Variants in PAPOLA observed in about 807,000 individuals in gnomAD.
PAPOLA encodes polynucleotide adenylyltransferase alpha.
Under a neutral mutation model 100.6 loss-of-function variants are expected in PAPOLA, and 15 were observed. The ratio of observed to expected loss-of-function variants is 0.15; its 90% CI spans 0.10 to 0.23. PAPOLA has a LOEUF of 0.23. Among genes scored for constraint, PAPOLA ranks in the 10% least tolerant of loss-of-function variants. The pLI is 1.00. For missense variants in PAPOLA, 533 were observed against 884.2 expected (o/e 0.60, Z 5.04); for synonymous variants, 293 against 300.0 (o/e 0.98, Z 0.24).
At chr14:96,534,657 C>T (rs1016856712) in intron 10 of PAPOLA, 94 bp downstream of exon 10, 86 of 1,597,318 alleles carry the variant, frequency 5.4e-5, no homozygotes, top group Non-Finnish European at 6.1e-5. Flanking sequence ...CAGCCTTTTA[C>T]TTATGAATGG....
chr14:96,562,647 T>C (rs766284817), intron 20 of PAPOLA, 172 bp from the exon 21 acceptor site: 2 of 456,720 alleles, frequency 4.4e-6, no homozygotes, highest in Admixed American at 7.4e-5. Context: ...TCTGAAATGG[T>C]GAAATAACCT....
At position 96,555,876 on chromosome 14, in the gene PAPOLA, C is replaced by T; in HGVS notation, c.1694C>T (p.Ala565Val). 2 of 1,606,302 alleles carry T rather than the reference C, an allele frequency of 1.2e-6. No homozygotes were observed. Among genetic ancestry groups the T allele is most frequent in the Non-Finnish European group, 1.7e-6 (2 of 1,174,290 alleles). ...GRNSPAPAVT[A>V]ASVTNIQATE... Reference sequence around the variant, plus strand: ...AACAGTCCTGCTCCAGCTGTAACAGCAGCATCTGTGACCAACATACAGGCT... The same window carrying T: ...AACAGTCCTGCTCCAGCTGTAACAGTAGCATCTGTGACCAACATACAGGCT... The change falls in exon 18 of 22, where the codon GCA becomes GTA. Residue 565 changes from alanine to valine, a missense_variant. By Grantham distance (64) the Ala-to-Val change is moderately conservative (BLOSUM62 0). This residue lies in a region of PAPOLA where 242 missense variants were observed against 281.0 expected (regional missense o/e 0.86). Transcript: ENST00000216277.
rs192977189 is a variant in PAPOLA, at chr14:96,518,648, C to T, written c.9-1407C>T. 1.9e-3 allele frequency among the ~76,000 whole-genome samples: 289 copies of T among 152,094 alleles called. 1 individual carries two copies. The highest frequency in any genetic ancestry group is 4.7e-3 in the African/African-American group (194 of 41,542). On this transcript the variant is annotated intron_variant, in intron 1 of 21. Transcript: ENST00000216277. Reference sequence around the variant, plus strand: ...TCCTGACCTCGTGATCCGCCCACCTCGGCCTCCCAAAGTGCTGGGATTACA... The same window carrying T: ...TCCTGACCTCGTGATCCGCCCACCTTGGCCTCCCAAAGTGCTGGGATTACA...
intron 1 of PAPOLA, among the ~76,000 whole-genome samples, chr14:96,503,586 A>C (rs1440745342): frequency 1.3e-5 from 2 of 151,738 alleles, no homozygotes; most frequent in Non-Finnish European, 2.9e-5. Flanking sequence ...TCCATTTTTG[A>C]ATATTGAAGC....
intron 1 of PAPOLA, among the ~76,000 whole-genome samples, chr14:96,503,690 A>AT (rs2140211226): frequency 6.6e-6 from 1 of 152,222 alleles, no homozygotes; most frequent in South Asian, 2.1e-4. Context: ...TTTTGGTTAA[A>AT]TTCAGGATAA....
At chr14:96,560,749 A>T in intron 20 of PAPOLA, 38 bp downstream of exon 20, 1 of 1,176,700 alleles carries the variant, frequency 8.5e-7, no homozygotes. Context: ...TACACAATTA[A>T]GAGTACAGAA....
chr14:96,518,740 A>G (rs1475373263), intron 1 of PAPOLA, among the ~76,000 whole-genome samples: 4 of 151,576 alleles, frequency 2.6e-5, no homozygotes, highest in Non-Finnish European at 5.9e-5. Context: ...TAAAGTAGAA[A>G]TTGTATTTAG....
intron 15 of PAPOLA, among the ~76,000 whole-genome samples, chr14:96,546,852 G>A (rs1900430422): frequency 6.6e-6 from 1 of 152,016 alleles, no homozygotes; most frequent in African/African-American, 2.4e-5. Flanking sequence ...CATTTTTCTT[G>A]TTTCTCAAAT....
chr14:96,506,020 C>T (rs1896691141), intron 1 of PAPOLA, among the ~76,000 whole-genome samples: 1 of 152,170 alleles, frequency 6.6e-6, no homozygotes, highest in African/African-American at 2.4e-5. Context: ...TCTCCTGCCT[C>T]AGCCTTCCAA....
chr14:96,531,496 T>C lies in PAPOLA; in HGVS notation c.517T>C (p.Leu173=). The C allele has an allele frequency of 6.2e-7, 1 of 1,609,308 alleles. No homozygotes were observed. The change falls in exon 7 of 22, where the codon TTA becomes CTA. Residue 173 remains leucine (L), a synonymous_variant. Transcript: ENST00000216277. The part of the protein sequence containing the change: ...GIEIDILFAR[L]ALQTIPEDLD... ...TCAGATTGATATTTTGTTTGCAAGATTAGCACTGCAGACAATTCCTGAAGA... is the reference window on the plus strand; with the variant it reads ...TCAGATTGATATTTTGTTTGCAAGACTAGCACTGCAGACAATTCCTGAAGA...
chr14:96,540,401 C>T (rs1899882429), intron 12 of PAPOLA, among the ~76,000 whole-genome samples: 1 of 150,602 alleles, frequency 6.6e-6, no homozygotes. Flanking sequence ...GCTCTTTCTG[C>T]ATGTTCTTTA....
At chr14:96,519,317 G>A (rs1334399010) in intron 1 of PAPOLA, among the ~76,000 whole-genome samples, 3 of 152,036 alleles carry the variant, frequency 2.0e-5, no homozygotes, top group East Asian at 1.9e-4. Context: ...GGTTTTGTAT[G>A]TTATTCAACT....
chr14:96,542,180 G>A (rs1900047949), intron 12 of PAPOLA, 63 bp from the exon 13 acceptor site: 1 of 1,007,892 alleles, frequency 9.9e-7, no homozygotes, highest in Non-Finnish European at 1.5e-6. Flanking sequence ...ATTACTTTAT[G>A]GTTTAATATC....
chr14:96,525,252 C>T, intron 3 of PAPOLA, 58 bp from the exon 4 acceptor site: 1 of 788,860 alleles, frequency 1.3e-6, no homozygotes, highest in Non-Finnish European at 2.3e-6. Flanking sequence ...AGTATAGTAT[C>T]ATTTGAATAG....
intron 7 of PAPOLA, chr14:96,531,949 A>G (rs187023588): frequency 7.1e-6 from 9 of 1,268,230 alleles, no homozygotes; most frequent in Middle Eastern, 3.1e-4. Flanking sequence ...CTACTTTGGT[A>G]CAATTTTATA....
rs1595556491 is a variant in PAPOLA at position 96,555,832 on chromosome 14, T to A, written c.1665-15T>A. On this transcript the variant is annotated splice_polypyrimidine_tract_variant and intron_variant, in intron 17 of 21. Coordinates refer to ENST00000216277, the MANE Select transcript of PAPOLA (RefSeq NM_032632.5). ...TTTTAAATTTTGAGACAATTTTTAATTTTTTTTTTTTTAGCAGAAACAGTC... is the reference window on the plus strand; with the variant it reads ...TTTTAAATTTTGAGACAATTTTTAAATTTTTTTTTTTTAGCAGAAACAGTC... The A allele has an allele frequency of 1.4e-5, 6 of 420,798 alleles. No homozygotes were observed. The highest frequency in any genetic ancestry group is 7.1e-5 in the East Asian group (1 of 14,008). The allele number at this position is 420,798 out of a possible 1,614,324, so 26.1% of individuals were successfully genotyped here.
chr14:96,547,780 A>T lies in PAPOLA; in HGVS notation c.1400-17A>T. On this transcript the variant is annotated splice_polypyrimidine_tract_variant and intron_variant, in intron 15 of 21. Transcript: ENST00000216277. The stretch of plus-strand genomic sequence containing the variant: ...TAAAATGTTTCTATTTCTTGTAACA[A>T]TTTCCTAATTGTATAGTTTATAGGC... 1 of 1,572,408 alleles carries T rather than the reference A, an allele frequency of 6.4e-7. No individual in the cohort carries two copies. The highest frequency in any genetic ancestry group is 1.9e-5 in the Admixed American group (1 of 51,294).
chr14:96,518,256 C>G (rs903849405), intron 1 of PAPOLA, among the ~76,000 whole-genome samples: 2 of 152,306 alleles, frequency 1.3e-5, no homozygotes, highest in Admixed American at 1.3e-4. Context: ...GCAGTATGGG[C>G]TTCTTGGCAT....
intron 12 of PAPOLA, 147 bp downstream of exon 12, chr14:96,537,207 T>A: frequency 1.7e-6 from 1 of 602,604 alleles, no homozygotes; most frequent in East Asian, 2.8e-5. Flanking sequence ...GTGAACTCCT[T>A]AGTTTTTTTT....
Sources: allele counts gnomAD v4.1 joint callset (sites outside exome capture counted in the v4.1 genomes callset), GRCh38; gene constraint gnomAD v4.1.1; regional missense constraint gnomAD v4.1.1; transcripts MANE v1.5; gene names NCBI Gene and HGNC (gene_info 2026-07-23, HGNC 2026-07-21).